Variants in ZNF704 observed in about 807,000 individuals in gnomAD.
The protein encoded by ZNF704 is zinc finger protein 704.
Under a neutral mutation model 44.7 loss-of-function variants are expected in ZNF704, and 10 were observed. The observed-to-expected ratio is 0.22, with a 90% CI of 0.14 to 0.38. The LOEUF (loss-of-function observed/expected upper bound fraction) is 0.38. Among genes scored for constraint, ZNF704 ranks in the 10% least tolerant of loss-of-function variants. The pLI is 1.00. For missense variants in ZNF704, 390 were observed against 545.5 expected (o/e 0.71, Z 2.84); for synonymous variants, 211 against 207.6 (o/e 1.02, Z -0.14).
intron 2 of ZNF704, among the ~76,000 whole-genome samples, chr8:80,713,503 G>GT (rs1819025401): frequency 6.6e-6 from 1 of 152,102 alleles, no homozygotes; most frequent in Non-Finnish European, 1.5e-5. Flanking sequence ...TTCCACGTTT[G>GT]TATCATCTAC....
intron 2 of ZNF704, among the ~76,000 whole-genome samples, chr8:80,784,915 A>G (rs1807590647): frequency 6.6e-6 from 1 of 152,208 alleles, no homozygotes; most frequent in Admixed American, 6.5e-5. Context: ...CTGAGACGAT[A>G]GTGTGGAGTT....
chr8:80,870,741 C>G (rs1207710900), intron 1 of ZNF704, among the ~76,000 whole-genome samples: 1 of 152,144 alleles, frequency 6.6e-6, no homozygotes, highest in Admixed American at 6.5e-5. Flanking sequence ...GCCCCCTGCA[C>G]TCCCTTAAAG....
At chr8:80,721,008 T>C (rs2131669978) in intron 2 of ZNF704, among the ~76,000 whole-genome samples, 1 of 152,276 alleles carries the variant, frequency 6.6e-6, no homozygotes, top group Non-Finnish European at 1.5e-5. Context: ...CCCATTCGCA[T>C]TGTGTGACCA....
At chr8:80,863,573 T>A (rs1809105014) in intron 1 of ZNF704, among the ~76,000 whole-genome samples, 1 of 152,168 alleles carries the variant, frequency 6.6e-6, no homozygotes, top group Admixed American at 6.5e-5. Flanking sequence ...ATTTTACACA[T>A]CTATAAAATG....
chr8:80,734,747 T>G (rs1806639714), intron 2 of ZNF704, among the ~76,000 whole-genome samples: 1 of 152,240 alleles, frequency 6.6e-6, no homozygotes, highest in Non-Finnish European at 1.5e-5. Context: ...ATTCCTAATT[T>G]ACAAATTTTA....
chr8:80,668,311 T>C (rs1190844573), intron 5 of ZNF704, among the ~76,000 whole-genome samples: 2 of 152,226 alleles, frequency 1.3e-5, no homozygotes, highest in African/African-American at 4.8e-5. Context: ...GAATCTAACA[T>C]AAAATCCATG....
intron 7 of ZNF704, among the ~76,000 whole-genome samples, chr8:80,650,798 T>C (rs962685828): frequency 3.3e-5 from 5 of 152,042 alleles, no homozygotes. Flanking sequence ...AATATTCAAA[T>C]TCAGGAAATA....
chr8:80,869,399 A>G (rs577873434), intron 1 of ZNF704, among the ~76,000 whole-genome samples: 287 of 152,302 alleles, frequency 1.9e-3, no homozygotes, highest in African/African-American at 6.6e-3. Flanking sequence ...CCTCACCCTC[A>G]GCTGATGACC....
chr8:80,679,660 T>A (rs1371488453), intron 4 of ZNF704, among the ~76,000 whole-genome samples: 1 of 152,184 alleles, frequency 6.6e-6, no homozygotes, highest in Non-Finnish European at 1.5e-5. Context: ...AACAGAATGG[T>A]CTTCTTCATG....
At chr8:80,873,302 C>G (rs1344528712) in intron 1 of ZNF704, among the ~76,000 whole-genome samples, 1 of 152,192 alleles carries the variant, frequency 6.6e-6, no homozygotes, top group Non-Finnish European at 1.5e-5. Flanking sequence ...AAACCCGACA[C>G]GGCCTTTGAG....
At chr8:80,649,668 G>A (rs1219633809) in intron 7 of ZNF704, among the ~76,000 whole-genome samples, 2 of 152,262 alleles carry the variant, frequency 1.3e-5, no homozygotes. Flanking sequence ...CAGCCAGGAA[G>A]CTCGAACAGG....
At chr8:80,773,960 T>C (rs754843982) in intron 2 of ZNF704, among the ~76,000 whole-genome samples, 4 of 152,198 alleles carry the variant, frequency 2.6e-5, no homozygotes, top group Admixed American at 6.5e-5. Flanking sequence ...TAAGATCTTC[T>C]TGGCTTTTTG....
intron 2 of ZNF704, among the ~76,000 whole-genome samples, chr8:80,744,623 T>G (rs1366674668): frequency 1.3e-5 from 2 of 152,202 alleles, no homozygotes; most frequent in Admixed American, 6.5e-5. Context: ...GCATGACATC[T>G]TCATCACAAT....
In ZNF704 at chr8:80,819,305, G is replaced by A. The variant is rs556106646; in HGVS notation, c.221+2069C>T. Among the ~76,000 whole-genome samples the A allele has an allele frequency of 2.0e-5, 3 of 152,224 alleles. No homozygotes were observed. The South Asian group carries it at 6.2e-4, about 32-fold the overall frequency. ...GAAAATATCCTACATACCAGAGTCA[G>A]AAAAGGCAGAAAACATCTTTCTTCT... On this transcript the variant is annotated intron_variant, in intron 2 of 8. Transcript: ENST00000327835.
intron 2 of ZNF704, among the ~76,000 whole-genome samples, chr8:80,806,006 G>A (rs561818648): frequency 6.6e-6 from 1 of 152,232 alleles, no homozygotes; most frequent in African/African-American, 2.4e-5. Flanking sequence ...CTCCTCAGTG[G>A]AAAAATACCA....
intron 2 of ZNF704, among the ~76,000 whole-genome samples, chr8:80,794,005 A>G (rs1292500281): frequency 1.3e-5 from 2 of 152,222 alleles, no homozygotes; most frequent in East Asian, 1.9e-4. Context: ...CAAAGACATC[A>G]TAAGAAGTGC....
chr8:80,648,294 G>A (rs1321223277), intron 7 of ZNF704, among the ~76,000 whole-genome samples: 1 of 152,114 alleles, frequency 6.6e-6, no homozygotes, highest in Non-Finnish European at 1.5e-5. Flanking sequence ...CCTGCTAATG[G>A]CTCTCTTAAC....
chr8:80,877,925 C>T (rs1047114226), upstream of ZNF704, among the ~76,000 whole-genome samples: 1 of 152,108 alleles, frequency 6.6e-6, no homozygotes, highest in African/African-American at 2.4e-5. Context: ...CATTTCAAAG[C>T]GTATTTCTTT....
intron 2 of ZNF704, chr8:80,814,362 A>G (rs1239135423): frequency 6.6e-6 from 1 of 152,228 alleles, no homozygotes; most frequent in African/African-American, 2.4e-5. Context: ...CATAATGTCA[A>G]TTATACTGGT....
Sources: allele counts gnomAD v4.1 joint callset (sites outside exome capture counted in the v4.1 genomes callset), GRCh38; gene constraint gnomAD v4.1.1; transcripts MANE v1.5; gene names NCBI Gene and HGNC (gene_info 2026-07-23, HGNC 2026-07-21).